The following PIEZO2 variants were observed in gnomAD, a reference collection of about 807,000 sequenced individuals.
PIEZO2 encodes piezo-type mechanosensitive ion channel component 2.
In PIEZO2, 172 loss-of-function variants were observed where a neutral mutation model predicts 337.3. The observed-to-expected ratio is 0.51, with a 90% CI of 0.45 to 0.58. The LOEUF is 0.58. Ranked by LOEUF, PIEZO2 falls within the 20% of genes least tolerant of loss-of-function variation. The pLI is 0.00. For missense variants in PIEZO2, 3,028 were observed against 3,391.3 expected (o/e 0.89, Z 2.66); for synonymous variants, 1,251 against 1,228.5 (o/e 1.02, Z -0.38).
At position 10,681,662 on chromosome 18, in the gene PIEZO2, G is replaced by A; in HGVS notation, c.7778C>T (p.Thr2593Ile). Residue 2593 changes from threonine (T) to isoleucine (I), a missense_variant and splice_region_variant, in exon 51 of 56, where the codon ACC becomes ATC. Thr to Ile is a moderately conservative substitution (Grantham distance 89). This residue lies in a region of PIEZO2 where 332 missense variants were observed against 363.8 expected (regional missense o/e 0.91). Coordinates refer to ENST00000674853, the MANE Select transcript of PIEZO2 (RefSeq NM_001378183.1). ...NKFIQAFSRD[T>I]GAMQFLENYE... Reference sequence around the variant, plus strand: ...AATCTACTATAGGGATTTACTTACGGTGTCCCTAGAAAAAGCTTGTATAAA... The same window carrying A: ...AATCTACTATAGGGATTTACTTACGATGTCCCTAGAAAAAGCTTGTATAAA... 2 of 1,581,010 alleles carry A rather than the reference G, an allele frequency of 1.3e-6. No individual in the cohort carries two copies. The highest frequency in any genetic ancestry group is 1.1e-5 in the South Asian group (1 of 90,266).
chr18:11,023,412 G>A (rs1043085750), intron 2 of PIEZO2, among the ~76,000 whole-genome samples: 1 of 152,224 alleles, frequency 6.6e-6, no homozygotes, highest in Non-Finnish European at 1.5e-5. Context: ...AGAGTAGCTA[G>A]ATACAGAGTG....
intron 3 of PIEZO2, among the ~76,000 whole-genome samples, chr18:10,958,149 A>G (rs2033620733): frequency 6.6e-6 from 1 of 152,198 alleles, no homozygotes; most frequent in African/African-American, 2.4e-5. Context: ...ATGAATAAAT[A>G]AATAAAATGT....
rs1471182021 is a variant in PIEZO2 at position 10,982,774 on chromosome 18, GAA to G, written c.161-3116_161-3115del. ...CTCACTCTGTCACCCAGGCTGGAGT[GAA>G]GTGGCATGATGTCGGCTTACTGCAA... On this transcript the variant is annotated intron_variant, in intron 2 of 55. Transcript: ENST00000674853. This position sits in a 1 kb window ranked among gnomAD's most constrained non-coding sequence, Gnocchi z 4.1. Among the ~76,000 whole-genome samples, 1 of 152,010 alleles carries G rather than the reference GAA, an allele frequency of 6.6e-6. No individual in the cohort carries two copies. The highest frequency in any genetic ancestry group is 1.5e-5 in the Non-Finnish European group (1 of 68,008).
rs538384578 is a variant in PIEZO2, at chr18:11,044,174, C to T, written c.160+21953G>A. Among the ~76,000 whole-genome samples, 34 of 148,602 alleles carry T rather than the reference C, an allele frequency of 2.3e-4. No individual in the cohort carries two copies. In the South Asian group the frequency reaches 5.5e-3, roughly 24 times the overall value. ...TACTAATATACTATATATATATATACACACACACACTAATATAATATATAT... is the reference window on the plus strand; with the variant it reads ...TACTAATATACTATATATATATATATACACACACACTAATATAATATATAT... On this transcript the variant is annotated intron_variant, in intron 2 of 55. Coordinates refer to ENST00000674853, the MANE Select transcript of PIEZO2 (RefSeq NM_001378183.1).
At chr18:11,058,556 TA>T (rs1225783245) in intron 2 of PIEZO2, among the ~76,000 whole-genome samples, 10 of 151,986 alleles carry the variant, frequency 6.6e-5, no homozygotes, top group African/African-American at 2.2e-4. Flanking sequence ...CTAACTAGAA[TA>T]ACCAGTGCAG....
chr18:10,955,293 T>C (rs1030261785), intron 3 of PIEZO2, among the ~76,000 whole-genome samples: 1 of 152,200 alleles, frequency 6.6e-6, no homozygotes, highest in African/African-American at 2.4e-5. Flanking sequence ...TGGGCTCAGG[T>C]AGGAAAACGA....
rs2036584667 is a variant in PIEZO2 at position 10,727,398 on chromosome 18, T to G, written c.5029+4009A>C. ...TCCTGGTGGGGGTCGGGATCCCTTCTCCTGGGGTGATTGATGGCCTGAGCT... is the reference window on the plus strand; with the variant it reads ...TCCTGGTGGGGGTCGGGATCCCTTCGCCTGGGGTGATTGATGGCCTGAGCT... On this transcript the variant is annotated intron_variant, in intron 36 of 55. Coordinates refer to ENST00000674853, the MANE Select transcript of PIEZO2 (RefSeq NM_001378183.1). This position sits in a 1 kb window ranked among gnomAD's most constrained non-coding sequence, Gnocchi z 6.3. 6.5e-6 allele frequency: 1 copy of G among 153,698 alleles called. No individual in the cohort carries two copies. Among genetic ancestry groups the G allele is most frequent in the African/African-American group, 2.4e-5 (1 of 41,426 alleles). 9.5% of individuals were successfully genotyped at this position (153,698 alleles called of 1,614,324 possible).
At position 11,069,150 on chromosome 18, in the gene PIEZO2, A is replaced by T. The variant is rs763694853; in HGVS notation, c.65-2928T>A. Among the ~76,000 whole-genome samples the T allele has an allele frequency of 1.3e-5, 2 of 152,174 alleles. No individual in the cohort carries two copies. Among genetic ancestry groups the T allele is most frequent in the Non-Finnish European group, 2.9e-5 (2 of 68,032 alleles). On this transcript the variant is annotated intron_variant, in intron 1 of 55. Transcript: ENST00000674853. This position sits in a 1 kb window ranked among gnomAD's most constrained non-coding sequence, Gnocchi z 4.9. The stretch of plus-strand genomic sequence containing the variant: ...TCAAATTCTTCCAAGAAAATTAAAG[A>T]AGAGGGAATACTTGCAAAGTCATCC...
chr18:10,931,979 A>C (rs1388986567), intron 3 of PIEZO2, among the ~76,000 whole-genome samples: 1 of 152,120 alleles, frequency 6.6e-6, no homozygotes, highest in Non-Finnish European at 1.5e-5. Flanking sequence ...ACATCCTTAG[A>C]TACGGATATA....
At chr18:10,893,099 GC>G (rs1195471014) in intron 4 of PIEZO2, among the ~76,000 whole-genome samples, 3 of 152,064 alleles carry the variant, frequency 2.0e-5, no homozygotes, top group African/African-American at 7.2e-5. Flanking sequence ...GAATCCCTTT[GC>G]TTAAAATTCT....
Position 10,714,882 on chromosome 18 carries a change from TGTG to T in PIEZO2, c.5302_5304del (p.His1768del). The T allele has an allele frequency of 2.0e-6, 3 of 1,537,272 alleles. No individual in the cohort carries two copies. The highest frequency in any genetic ancestry group is 2.6e-6 in the Non-Finnish European group (3 of 1,146,912). ...CCCGACTCTCTGGAAAGGTTCATGA[TGTG>T]GTTCTGATAGTACATGTGGATGCTC... On this transcript the variant is annotated inframe_deletion, in exon 39 of 56. Transcript: ENST00000674853.
At chr18:10,840,574 T>C (rs2144601654) in intron 7 of PIEZO2, among the ~76,000 whole-genome samples, 1 of 152,322 alleles carries the variant, frequency 6.6e-6, no homozygotes, top group East Asian at 1.9e-4. Flanking sequence ...GAGAAAAATC[T>C]AGCTCAATAC....
intron 2 of PIEZO2, among the ~76,000 whole-genome samples, chr18:10,985,880 G>A (rs11877993): frequency 0.055 from 8,391 of 151,976 alleles, 506 homozygotes; most frequent in African/African-American, 0.15. Flanking sequence ...GTCCTTACCT[G>A]TCAATATTTA....
intron 2 of PIEZO2, among the ~76,000 whole-genome samples, chr18:11,013,555 T>A (rs529871050): frequency 6.6e-6 from 1 of 152,234 alleles, no homozygotes; most frequent in South Asian, 2.1e-4. Context: ...CTCAAATAAC[T>A]AATTCAAGGT....
chr18:10,769,583 T>C (rs1429272837), intron 21 of PIEZO2, among the ~76,000 whole-genome samples: 1 of 152,226 alleles, frequency 6.6e-6, no homozygotes, highest in African/African-American at 2.4e-5. Flanking sequence ...CAAACACTAT[T>C]TGTTGAATAA....
At chr18:10,866,326 C>T (rs866791535) in intron 5 of PIEZO2, among the ~76,000 whole-genome samples, 10 of 150,962 alleles carry the variant, frequency 6.6e-5, no homozygotes, top group Non-Finnish European at 8.8e-5. Context: ...CACTCTGTCA[C>T]CCAGGATGGA....
intron 2 of PIEZO2, among the ~76,000 whole-genome samples, chr18:11,049,715 C>A (rs1356867630): frequency 1.3e-5 from 2 of 152,116 alleles, no homozygotes; most frequent in Non-Finnish European, 2.9e-5. Context: ...TAAGACATTT[C>A]CCCTTTTGCT....
chr18:10,722,882 AG>A (rs1336556910), intron 36 of PIEZO2, among the ~76,000 whole-genome samples: 2 of 151,966 alleles, frequency 1.3e-5, no homozygotes, highest in African/African-American at 4.8e-5. Flanking sequence ...ATGACCAGCA[AG>A]GCATGAGAAC....
chr18:11,072,878 C>T (rs965246106), intron 1 of PIEZO2, among the ~76,000 whole-genome samples: 8 of 152,198 alleles, frequency 5.3e-5, no homozygotes, highest in Non-Finnish European at 2.9e-5. Context: ...AGCCACCTCC[C>T]CCAGGCAACA....
Sources: allele counts gnomAD v4.1 joint callset (sites outside exome capture counted in the v4.1 genomes callset), GRCh38; gene constraint gnomAD v4.1.1; regional missense constraint gnomAD v4.1.1; non-coding constraint Gnocchi (gnomAD v3.1); transcripts MANE v1.5; gene names NCBI Gene and HGNC (gene_info 2026-07-23, HGNC 2026-07-21).